RGPD8: variants seen among roughly 807,000 people sequenced by gnomAD.
The protein encoded by RGPD8 is RANBP2-like and GRIP domain-containing protein 8.
In RGPD8, 15 loss-of-function variants were observed where a neutral mutation model predicts 89.1. The observed-to-expected ratio is 0.17, with a 90% CI of 0.11 to 0.26. The LOEUF (loss-of-function observed/expected upper bound fraction) is 0.26, where lower values mean the gene tolerates loss of function less well. RGPD8 is among the 10% of genes least tolerant of loss of function. RGPD8 has a pLI of 1.00. For missense variants in RGPD8, 178 were observed against 1,179.6 expected (o/e 0.15, Z 12.44); for synonymous variants, 62 against 420.9 (o/e 0.15, Z 10.44).
intron 1 of RGPD8, among the ~76,000 whole-genome samples, chr2:112,431,151 G>A (rs1046056349): frequency 1.2e-4 from 18 of 152,042 alleles, no homozygotes; most frequent in African/African-American, 4.1e-4. Flanking sequence ...CCAACTACTC[G>A]GGAGACTGAG....
rs1413077628 is a variant in RGPD8, at chr2:112,432,967, C to G, written c.72+415G>C. ...CATCGAGGCCGCCGCCGGGCCGGGT[C>G]GAGGCCGCCGCCTCAACAGAGCGCG... is the stretch of plus-strand genomic sequence containing the variant. On this transcript the variant is annotated intron_variant, in intron 1 of 22. Coordinates refer to ENST00000302558, the MANE Select transcript of RGPD8 (RefSeq NM_001164463.1). 5.0e-3 allele frequency among the ~76,000 whole-genome samples: 567 copies of G among 112,808 alleles called. 7 individuals are homozygous for G. Among genetic ancestry groups the G allele is most frequent in the Middle Eastern group, 0.011 (2 of 190 alleles). 74.0% of individuals were successfully genotyped at this position (112,808 alleles called of 152,430 possible).
At chr2:112,426,328 T>C (rs1298533194) in intron 1 of RGPD8, among the ~76,000 whole-genome samples, 2 of 151,912 alleles carry the variant, frequency 1.3e-5, no homozygotes, top group Non-Finnish European at 2.9e-5. Context: ...GGGGAGCACA[T>C]ACAGCATGAA....
intron 1 of RGPD8, among the ~76,000 whole-genome samples, chr2:112,430,329 T>C (rs958415534): frequency 6.6e-6 from 1 of 152,168 alleles, no homozygotes; most frequent in African/African-American, 2.4e-5. Context: ...CAAAGCACCC[T>C]GTTTTGTCAT....
chr2:112,374,824 G>T, intron 22 of RGPD8, among the ~76,000 whole-genome samples: 1 of 127,282 alleles, frequency 7.9e-6, no homozygotes, highest in Admixed American at 7.7e-5. Flanking sequence ...TGAATTCTGT[G>T]TAATTTCTTT....
chr2:112,402,505 A>AAAGAAAAGAAAAGAAAAGAAAAGAG (rs1678904582), intron 9 of RGPD8, among the ~76,000 whole-genome samples: 1 of 151,866 alleles, frequency 6.6e-6, no homozygotes, highest in Non-Finnish European at 1.5e-5. Context: ...CAAGAAAAGA[A>AAAGAAAAGAAAAGAAAAGAAAAGAG]AAGAAAAGAA....
chr2:112,428,375 C>T (rs562748915), intron 1 of RGPD8, among the ~76,000 whole-genome samples: 9 of 149,940 alleles, frequency 6.0e-5, no homozygotes, highest in South Asian at 2.1e-4. Flanking sequence ...ACCTGGGAGG[C>T]GGAGGTTGCG....
chr2:112,428,721 T>C (rs1679885156), intron 1 of RGPD8, among the ~76,000 whole-genome samples: 1 of 152,190 alleles, frequency 6.6e-6, no homozygotes. Flanking sequence ...TCAATCAATG[T>C]TTTAAGCTGA....
chr2:112,416,107 A>G (rs1413928830), intron 6 of RGPD8, among the ~76,000 whole-genome samples: 1 of 146,170 alleles, frequency 6.8e-6, no homozygotes, highest in African/African-American at 2.5e-5. Flanking sequence ...AAAAAAAAAA[A>G]AAAAGAAAGA....
At chr2:112,426,112 T>A (rs1679758102) in intron 1 of RGPD8, among the ~76,000 whole-genome samples, 1 of 151,968 alleles carries the variant, frequency 6.6e-6, no homozygotes, top group Admixed American at 6.6e-5. Flanking sequence ...CAGTATATGA[T>A]CTTTTTTCTT....
intron 1 of RGPD8, among the ~76,000 whole-genome samples, chr2:112,430,962 C>T (rs1680003065): frequency 6.6e-6 from 1 of 151,736 alleles, no homozygotes; most frequent in African/African-American, 2.4e-5. Flanking sequence ...GTCTCAAAAA[C>T]AAAATAATGG....
intron 7 of RGPD8, among the ~76,000 whole-genome samples, chr2:112,409,551 C>T (rs1306180377): frequency 6.9e-6 from 1 of 145,424 alleles, no homozygotes; most frequent in East Asian, 2.0e-4. Flanking sequence ...AATCTCAGCA[C>T]TTTGGGAGGG....
intron 22 of RGPD8, among the ~76,000 whole-genome samples, chr2:112,374,639 G>T (rs1445036066): frequency 8.2e-6 from 1 of 121,470 alleles, no homozygotes; most frequent in African/African-American, 2.8e-5. Context: ...TACTGCTTGA[G>T]ATTTTACTGG....
In RGPD8 at chr2:112,433,639, A is replaced by G. The variant is rs1680168655; in HGVS notation, c.-186T>C. ...TGACGAACCTGCGTTCTGCCTCAGC[A>G]CTGTGTATCCTCGGGGACGTCGGCG... On this transcript the variant is annotated 5_prime_UTR_variant, in exon 1 of 23. Transcript: ENST00000302558. 2 of 740,668 alleles carry G rather than the reference A, an allele frequency of 2.7e-6. No homozygotes were observed. Among genetic ancestry groups the G allele is most frequent in the Non-Finnish European group, 2.1e-6 (1 of 467,770 alleles). 45.9% of individuals were successfully genotyped at this position (740,668 alleles called of 1,614,324 possible).
Position 112,380,750 on chromosome 2 carries a change from T to C in RGPD8, c.5061+74A>G. The C allele has an allele frequency of 2.2e-6, 3 of 1,349,868 alleles. 1 individual carries two copies. Among genetic ancestry groups the C allele is most frequent in the Non-Finnish European group, 3.1e-6 (3 of 973,076 alleles). The allele number at this position is 1,349,868 out of a possible 1,614,324, so 83.6% of individuals were successfully genotyped here. A position where few individuals can be genotyped will look rare whatever the true frequency, so the allele number is the denominator to read the frequency against. ...GCATCTGCAATGTGAATTTTTAAAC[T>C]TGGGTGCATGTGTATGGAAGGTCCA... On this transcript the variant is annotated intron_variant, in intron 21 of 22. Coordinates refer to ENST00000302558, the MANE Select transcript of RGPD8 (RefSeq NM_001164463.1).
At chr2:112,425,518 C>T (rs886651012) in intron 1 of RGPD8, among the ~76,000 whole-genome samples, 4 of 151,952 alleles carry the variant, frequency 2.6e-5, no homozygotes, top group Admixed American at 2.6e-4. Flanking sequence ...CCAGCACTTT[C>T]GGAGACTGAG....
At chr2:112,423,374 C>T (rs867116569) in intron 2 of RGPD8, among the ~76,000 whole-genome samples, 260 of 23,440 alleles carry the variant, frequency 0.011, 3 homozygotes, top group African/African-American at 0.045. Flanking sequence ...CCTTTCTTAC[C>T]AGCATTTCCA....
At chr2:112,424,387 C>G in intron 1 of RGPD8, 80 bp from the exon 2 acceptor site, 5 of 1,283,036 alleles carry the variant, frequency 3.9e-6, no homozygotes, top group Non-Finnish European at 2.2e-6. Flanking sequence ...TAAAGCCTGA[C>G]AAATGCATAA....
chr2:112,425,534 TG>T (rs1344786893), intron 1 of RGPD8, among the ~76,000 whole-genome samples: 1 of 151,292 alleles, frequency 6.6e-6, no homozygotes, highest in Admixed American at 6.6e-5. Context: ...CTGAGGCGGG[TG>T]GATCACTTGA....
At chr2:112,424,468 C>T (rs1314421734) in intron 1 of RGPD8, among the ~76,000 whole-genome samples, 161 bp from the exon 2 acceptor site, 2 of 152,238 alleles carry the variant, frequency 1.3e-5, no homozygotes, top group East Asian at 3.9e-4. Flanking sequence ...GCCTGTAATC[C>T]CAGCACTTTG....
Sources: gnomAD v4.1 joint callset for allele counts (sites outside exome capture counted in the v4.1 genomes callset) on GRCh38, gnomAD v4.1.1 for gene constraint, MANE v1.5 for transcripts, NCBI Gene and HGNC (gene_info 2026-07-23, HGNC 2026-07-21) for gene names.